Variants in CRYBG1 observed in about 807,000 individuals in gnomAD.
CRYBG1 encodes beta/gamma crystallin domain-containing protein 1.
Under a neutral mutation model 189.2 loss-of-function variants are expected in CRYBG1, and 139 were observed. The ratio of observed to expected loss-of-function variants is 0.73; its 90% confidence interval spans 0.64 to 0.85. The LOEUF is 0.85. Ranked by LOEUF, CRYBG1 falls within the 40% of genes least tolerant of loss-of-function variation. The probability of loss-of-function intolerance (pLI) is 0.00; values close to 1 mark genes in which losing one functional copy is unlikely to be tolerated. For missense variants in CRYBG1, 2,611 were observed against 2,675.8 expected, an observed-to-expected ratio of 0.98 and a Z score of 0.53; for synonymous variants, 1,023 against 1,017.1, an observed-to-expected ratio of 1.01 and a Z score of -0.11.
intron 2 of CRYBG1, among the ~76,000 whole-genome samples, chr6:106,453,975 C>A (rs1192114127): frequency 6.6e-6 from 1 of 152,120 alleles, no homozygotes; most frequent in Non-Finnish European, 1.5e-5. Context: ...GTTCAGGCGA[C>A]CCTGTCTCTA....
At chr6:106,527,615 T>C (rs751080551) in intron 7 of CRYBG1, 145 bp downstream of exon 7, 18 of 860,864 alleles carry the variant, frequency 2.1e-5, no homozygotes, top group Non-Finnish European at 3.1e-5. Flanking sequence ...TAAGTATTTG[T>C]ACACTTTAAA....
chr6:106,494,444 C>T (rs943225340), intron 2 of CRYBG1, among the ~76,000 whole-genome samples: 3 of 152,032 alleles, frequency 2.0e-5, no homozygotes, highest in African/African-American at 7.3e-5. Flanking sequence ...GCATATTCAC[C>T]ATCAACAATA....
chr6:106,372,644 G>C (rs944724718), intron 1 of CRYBG1, among the ~76,000 whole-genome samples: 1 of 152,200 alleles, frequency 6.6e-6, no homozygotes, highest in Admixed American at 6.5e-5. Context: ...TGAGAAAGAT[G>C]GGTGTGGCAT....
At chr6:106,405,354 G>C (rs1304679360) in intron 1 of CRYBG1, among the ~76,000 whole-genome samples, 1 of 152,226 alleles carries the variant, frequency 6.6e-6, no homozygotes, top group Non-Finnish European at 1.5e-5. Flanking sequence ...TCTGGGCAGG[G>C]CATCTCTGAA....
chr6:106,515,219 C>T (rs1161513608), intron 3 of CRYBG1, among the ~76,000 whole-genome samples: 2 of 152,130 alleles, frequency 1.3e-5, no homozygotes, highest in Non-Finnish European at 2.9e-5. Flanking sequence ...ATAACTATGG[C>T]TTTTTGGACT....
chr6:106,555,079 TG>T (rs1774500848), intron 16 of CRYBG1, among the ~76,000 whole-genome samples: 1 of 151,508 alleles, frequency 6.6e-6, no homozygotes, highest in South Asian at 2.1e-4. Context: ...GCAGAAGAAT[TG>T]CTTGAACCCA....
intron 1 of CRYBG1, among the ~76,000 whole-genome samples, chr6:106,445,845 A>C (rs1318970786): frequency 2.0e-5 from 3 of 152,174 alleles, no homozygotes; most frequent in Non-Finnish European, 4.4e-5. Flanking sequence ...CTGAAGGAAA[A>C]ACCCATTCTG....
chr6:106,535,710 T>C (rs1773989841), intron 8 of CRYBG1, among the ~76,000 whole-genome samples: 1 of 152,250 alleles, frequency 6.6e-6, no homozygotes, highest in South Asian at 2.1e-4. Flanking sequence ...TTAAGTCTCT[T>C]TTTAAAGATC....
At chr6:106,370,438 A>G (rs538516017) in intron 1 of CRYBG1, among the ~76,000 whole-genome samples, 3 of 152,316 alleles carry the variant, frequency 2.0e-5, no homozygotes, top group African/African-American at 7.2e-5. Context: ...TTGCTGCAGA[A>G]AGCTGCTCCT....
At chr6:106,538,733 A>C (rs945047576) in intron 8 of CRYBG1, among the ~76,000 whole-genome samples, 1 of 152,042 alleles carries the variant, frequency 6.6e-6, no homozygotes, top group African/African-American at 2.4e-5. Flanking sequence ...TCTACTAAAA[A>C]AAAAATGCAA....
chr6:106,421,478 C>T (rs1217871578), intron 1 of CRYBG1, among the ~76,000 whole-genome samples: 1 of 152,058 alleles, frequency 6.6e-6, no homozygotes, highest in Non-Finnish European at 1.5e-5. Flanking sequence ...TGGTTGAGGT[C>T]CCTATCTGGA....
chr6:106,518,088 A>G (rs1361617004), intron 3 of CRYBG1, among the ~76,000 whole-genome samples: 1 of 152,224 alleles, frequency 6.6e-6, no homozygotes, highest in Non-Finnish European at 1.5e-5. Flanking sequence ...TGTTAACTAT[A>G]AGGTTAAGTC....
chr6:106,538,739 T>A (rs1276736112), intron 8 of CRYBG1, among the ~76,000 whole-genome samples: 1 of 151,346 alleles, frequency 6.6e-6, no homozygotes, highest in African/African-American at 2.4e-5. Context: ...AAAAAAAAAA[T>A]GCAAAACTTA....
chr6:106,501,515 T>C (rs928597882), intron 2 of CRYBG1, among the ~76,000 whole-genome samples: 1 of 152,228 alleles, frequency 6.6e-6, no homozygotes, highest in African/African-American at 2.4e-5. Flanking sequence ...TGTTACTTAC[T>C]TAGTTTCTAT....
chr6:106,475,928 T>A (rs953506639), intron 2 of CRYBG1, among the ~76,000 whole-genome samples: 3 of 152,176 alleles, frequency 2.0e-5, no homozygotes, highest in African/African-American at 7.2e-5. Context: ...TTCAGAGATA[T>A]CACCAACAAT....
chr6:106,439,331 A>T (rs1256512933), intron 1 of CRYBG1, among the ~76,000 whole-genome samples: 2 of 152,152 alleles, frequency 1.3e-5, no homozygotes, highest in Admixed American at 6.5e-5. Flanking sequence ...AAGCATCTTT[A>T]TATGTCCTAC....
intron 1 of CRYBG1, among the ~76,000 whole-genome samples, chr6:106,397,841 T>C (rs943123093): frequency 3.9e-5 from 6 of 152,210 alleles, no homozygotes; most frequent in Non-Finnish European, 4.4e-5. Flanking sequence ...GGAAATCCTA[T>C]ATTTTTACCT....
chr6:106,502,813 G>A (rs75944631), intron 2 of CRYBG1, among the ~76,000 whole-genome samples: 9,156 of 145,534 alleles, frequency 0.063, 358 homozygotes, highest in East Asian at 0.11. Flanking sequence ...AGGAAGCCAA[G>A]AAGGGCTAAA....
intron 3 of CRYBG1, among the ~76,000 whole-genome samples, chr6:106,517,784 A>G (rs1773476168): frequency 6.6e-6 from 1 of 152,224 alleles, no homozygotes; most frequent in African/African-American, 2.4e-5. Context: ...TAACTTGACC[A>G]GGTTCACACA....
Sources: gnomAD v4.1 joint callset for allele counts (sites outside exome capture counted in the v4.1 genomes callset) on GRCh38, gnomAD v4.1.1 for gene constraint, MANE v1.5 for transcripts, NCBI Gene and HGNC (gene_info 2026-07-23, HGNC 2026-07-21) for gene names.